Variants in CD36 observed in about 807,000 individuals in gnomAD.
CD36 encodes platelet glycoprotein 4.
Under a neutral mutation model 55.2 loss-of-function variants are expected in CD36, and 119 were observed. The observed-to-expected ratio is 2.15, with a 90% CI of 1.86 to 2.51. The LOEUF is 2.51. Among genes scored for constraint, CD36 ranks in the 30% most tolerant of loss-of-function variants. The pLI, the probability that CD36 is intolerant of heterozygous loss-of-function variation, is 0.00. For synonymous variants in CD36, 186 were observed against 193.6 expected (o/e 0.96, Z 0.33); for missense variants, 819 against 555.5 (o/e 1.47, Z -4.77).
intron 1 of CD36, among the ~76,000 whole-genome samples, chr7:80,606,853 G>A (rs1792579522): frequency 6.6e-6 from 1 of 152,132 alleles, no homozygotes; most frequent in Non-Finnish European, 1.5e-5. Context: ...GGTGGTAAAA[G>A]TACAGGCATC....
chr7:80,649,508 T>G (rs1378520791), intron 3 of CD36, among the ~76,000 whole-genome samples: 1 of 151,188 alleles, frequency 6.6e-6, no homozygotes, highest in Non-Finnish European at 1.5e-5. Flanking sequence ...AAAAAACTGA[T>G]AGATAATAGG....
chr7:80,674,556 A>G, intron 14 of CD36: 1 of 240,390 alleles, frequency 4.2e-6, no homozygotes, highest in South Asian at 5.1e-5. Flanking sequence ...CAAATCCAGA[A>G]AAGTCCTGAA....
At chr7:80,637,651 G>C (rs1329886997), upstream of CD36, among the ~76,000 whole-genome samples, 1 of 151,808 alleles carries the variant, frequency 6.6e-6, no homozygotes, top group Non-Finnish European at 1.5e-5. Context: ...GACAGCACGA[G>C]CATTCTAACT....
rs959142200 is a variant in CD36, at chr7:80,677,536, T to C, written c.*1153T>C. 2 of 152,214 alleles carry C rather than the reference T, an allele frequency of 1.3e-5. No individual in the cohort carries two copies. Among genetic ancestry groups the C allele is most frequent in the Non-Finnish European group, 2.9e-5 (2 of 68,044 alleles). 9.4% of individuals were successfully genotyped at this position (152,214 alleles called of 1,614,324 possible). On this transcript the variant is annotated 3_prime_UTR_variant, in exon 15 of 15. Coordinates refer to ENST00000447544, the MANE Select transcript of CD36 (RefSeq NM_001001548.3). The stretch of plus-strand genomic sequence containing the variant: ...CCAAGAATCTACCTGTTTGGAAAGA[T>C]CTTTTGCATCTCTGAAGGTGCTTAA...
At position 80,677,502 on chromosome 7, in the gene CD36, A is replaced by C. The variant is rs1798199131; in HGVS notation, c.*1119A>C. The C allele has an allele frequency of 6.6e-6, 1 of 152,176 alleles. No homozygotes were observed. Among genetic ancestry groups the C allele is most frequent in the Non-Finnish European group, 1.5e-5 (1 of 68,042 alleles). 9.4% of individuals were successfully genotyped at this position (152,176 alleles called of 1,614,324 possible). On this transcript the variant is annotated 3_prime_UTR_variant, in exon 15 of 15. Transcript: ENST00000447544. ...TAAATGTTGAGCATTACTACAGAAA[A>C]GCCACAAACCAAGAATCTACCTGTT...
intron 5 of CD36, 76 bp from the exon 6 acceptor site, chr7:80,662,914 T>C: frequency 8.4e-7 from 1 of 1,192,372 alleles, no homozygotes; most frequent in Non-Finnish European, 1.2e-6. Context: ...TTAAGCTCAA[T>C]ATTAGCATTT....
chr7:80,656,852 C>T lies in CD36; in HGVS notation c.281+152C>T, dbSNP rs994265780. 9.2e-5 allele frequency: 63 copies of T among 686,012 alleles called. No homozygotes were observed. The South Asian group carries it at 1.1e-3, about 12-fold the overall frequency. The allele number at this position is 686,012 out of a possible 1,614,324, so 42.5% of individuals were successfully genotyped here. On this transcript the variant is annotated intron_variant, in intron 4 of 14. Coordinates refer to ENST00000447544, the MANE Select transcript of CD36 (RefSeq NM_001001548.3). ...AATATTTTTCCTGTCTGTATAGAAT[C>T]CTAATCTAAGAATTTAATGATTATA...
chr7:80,627,796 T>C (rs866202334), intron 1 of CD36, among the ~76,000 whole-genome samples: 22 of 152,084 alleles, frequency 1.4e-4, no homozygotes, highest in African/African-American at 4.8e-4. Context: ...TTTCTGCCAA[T>C]GGATACATAA....
intron 1 of CD36, among the ~76,000 whole-genome samples, chr7:80,610,292 A>G (rs962996758): frequency 6.6e-6 from 1 of 152,090 alleles, no homozygotes; most frequent in African/African-American, 2.4e-5. Context: ...TGTGCTCTGT[A>G]TGTCTCACCT....
At chr7:80,663,416 A>G (rs1796720270) in intron 6 of CD36, among the ~76,000 whole-genome samples, 1 of 152,126 alleles carries the variant, frequency 6.6e-6, no homozygotes, top group Non-Finnish European at 1.5e-5. Context: ...CTCATTTATA[A>G]ATACACAATT....
At chr7:80,663,769 G>A (rs1342834868) in intron 6 of CD36, among the ~76,000 whole-genome samples, 2 of 152,054 alleles carry the variant, frequency 1.3e-5, no homozygotes, top group Non-Finnish European at 2.9e-5. Context: ...TTACAAATAG[G>A]ATAAGCTAAC....
At chr7:80,606,336 C>G (rs189902766) in intron 1 of CD36, among the ~76,000 whole-genome samples, 8 of 152,090 alleles carry the variant, frequency 5.3e-5, no homozygotes, top group Admixed American at 1.3e-4. Flanking sequence ...TACTGCTGTT[C>G]TTCCCAGCAT....
chr7:80,668,065 G>T (rs1797295704), intron 8 of CD36, among the ~76,000 whole-genome samples: 1 of 152,042 alleles, frequency 6.6e-6, no homozygotes, highest in South Asian at 2.1e-4. Context: ...GCAGGGTTTT[G>T]AGCCATAGGA....
At chr7:80,610,692 A>G (rs1296068036) in intron 1 of CD36, among the ~76,000 whole-genome samples, 6 of 151,972 alleles carry the variant, frequency 3.9e-5, no homozygotes, top group East Asian at 3.9e-4. Flanking sequence ...CTCCTGCCTC[A>G]GCCTCCCCAG....
At chr7:80,674,281 A>T (rs745605558) in intron 14 of CD36, 134 bp downstream of exon 14, 1 of 647,582 alleles carries the variant, frequency 1.5e-6, no homozygotes. Flanking sequence ...ATTTTTAAAT[A>T]TAGGTAAATA....
Position 80,646,844 on chromosome 7 carries a change from A to G in CD36, c.104A>G (p.Gln35Arg). 1 of 1,614,000 alleles carries G rather than the reference A, an allele frequency of 6.2e-7. No individual in the cohort carries two copies. The highest frequency in any genetic ancestry group is 1.1e-5 in the South Asian group (1 of 91,082). Residue 35 changes from glutamine (Q) to arginine (R), a missense_variant, in exon 3 of 15, where the codon CAG becomes CGG. Transcript: ENST00000447544. ...ATGCCAGTTGGAGACCTGCTTATCCAGAAGACAATTAAAAAGGTACAAGTA... is the reference window on the plus strand; with the variant it reads ...ATGCCAGTTGGAGACCTGCTTATCCGGAAGACAATTAAAAAGGTACAAGTA... ...ILMPVGDLLI[Q>R]KTIKKQVVLE... is the part of the protein sequence containing the mutation.
rs543652152 is a variant in CD36 at position 80,614,416 on chromosome 7, C to CTA, written c.-184+12045_-184+12046dup. On this transcript the variant is annotated intron_variant, in intron 1 of 13. Transcript: ENST00000309881. The stretch of plus-strand genomic sequence containing the variant: ...TACACCCACTGGCCAACAAGAGAAT[C>CTA]TATATATATGTTCACTAAAAAGCAG... 3.0e-3 allele frequency among the ~76,000 whole-genome samples: 455 copies of CTA among 152,252 alleles called. 1 individual carries two copies. The highest frequency in any genetic ancestry group is 1.0e-2 in the African/African-American group (414 of 41,562).
chr7:80,673,368 C>G lies in CD36; in HGVS notation c.1213C>G (p.Leu405Val), dbSNP rs4645507. Residue 405 changes from leucine to valine, a missense_variant, in exon 13 of 15, where the codon CTG becomes GTG. Physicochemically the swap from Leu to Val is conservative, Grantham distance 32. Transcript: ENST00000447544. ...PSEKIQVLKN[L>V]KRNYIVPILW... ...CGTATATTACAGAGTATTAAAGAAT[C>G]TGAAGAGGAACTATATTGTGCCTAT... 1.3e-6 allele frequency: 2 copies of G among 1,527,672 alleles called. No individual in the cohort carries two copies. The highest frequency in any genetic ancestry group is 4.5e-5 in the East Asian group (2 of 44,170). The allele number at this position is 1,527,672 out of a possible 1,614,324, so 94.6% of individuals were successfully genotyped here. A position where few individuals can be genotyped will look rare whatever the true frequency, so the allele number is the denominator to read the frequency against.
chr7:80,642,854 G>T (rs1277869151), intron 1 of CD36, among the ~76,000 whole-genome samples: 1 of 152,010 alleles, frequency 6.6e-6, no homozygotes, highest in African/African-American at 2.4e-5. Flanking sequence ...ATATCATCCT[G>T]ACCAATGTTA....
Sources: gnomAD v4.1 joint callset for allele counts (sites outside exome capture counted in the v4.1 genomes callset) on GRCh38, gnomAD v4.1.1 for gene constraint, MANE v1.5 for transcripts, NCBI Gene and HGNC (gene_info 2026-07-23, HGNC 2026-07-21) for gene names.